CNNM2: variants seen among roughly 807,000 people sequenced by gnomAD.
The protein encoded by CNNM2 is metal transporter CNNM2.
In CNNM2, 12 loss-of-function variants were observed where a neutral mutation model predicts 66.9. That is an observed-to-expected ratio of 0.18 (90% confidence interval 0.11 to 0.29). The LOEUF is 0.29. Among genes scored for constraint, CNNM2 ranks in the 10% least tolerant of loss-of-function variants. The pLI is 1.00. For missense variants in CNNM2, 705 were observed against 1,167.7 expected, an observed-to-expected ratio of 0.60 and a Z score of 5.77; for synonymous variants, 557 against 501.8, an observed-to-expected ratio of 1.11 and a Z score of -1.47.
At chr10:102,987,758 C>A (rs1225068849) in intron 1 of CNNM2, among the ~76,000 whole-genome samples, 1 of 152,104 alleles carries the variant, frequency 6.6e-6, no homozygotes, top group East Asian at 1.9e-4. Context: ...TCTGCTCTAA[C>A]AAAAATAAAA....
chr10:103,062,382 G>T (rs906774928), intron 4 of CNNM2, among the ~76,000 whole-genome samples: 3 of 152,176 alleles, frequency 2.0e-5, no homozygotes, highest in African/African-American at 7.2e-5. Flanking sequence ...CTCCTCATGG[G>T]TTTTTAAGTT....
rs2065776502 is a variant in CNNM2, at chr10:103,083,568, TAA to T, written c.*6389_*6390del. The stretch of plus-strand genomic sequence containing the variant: ...ATCTTCTTTGGACAGTGTAAAGTCT[TAA>T]GAGAAGTGGGTACTAGTTCTGTGCC... On this transcript the variant is annotated 3_prime_UTR_variant, in exon 8 of 8. Coordinates refer to ENST00000369878, the MANE Select transcript of CNNM2 (RefSeq NM_017649.5). 6.6e-6 allele frequency: 1 copy of T among 152,204 alleles called. No homozygotes were observed. Among genetic ancestry groups the T allele is most frequent in the Non-Finnish European group, 1.5e-5 (1 of 68,036 alleles). 9.4% of individuals were successfully genotyped at this position (152,204 alleles called of 1,614,324 possible).
At chr10:102,946,153 A>C (rs1846611301) in intron 1 of CNNM2, among the ~76,000 whole-genome samples, 1 of 152,202 alleles carries the variant, frequency 6.6e-6, no homozygotes, top group South Asian at 2.1e-4. Flanking sequence ...GAATGAGTTC[A>C]TTGGTGCTGC....
At chr10:103,067,965 C>T (rs932677121) in intron 4 of CNNM2, among the ~76,000 whole-genome samples, 6 of 152,216 alleles carry the variant, frequency 3.9e-5, no homozygotes, top group African/African-American at 7.2e-5. Flanking sequence ...ACACCGTGCT[C>T]GTGAGACAGA....
At chr10:102,994,562 A>G (rs1164051961) in intron 1 of CNNM2, among the ~76,000 whole-genome samples, 1 of 152,240 alleles carries the variant, frequency 6.6e-6, no homozygotes, top group Non-Finnish European at 1.5e-5. Flanking sequence ...AAACTGGCCA[A>G]CAAAATAGCT....
At chr10:102,992,857 G>A (rs79209117) in intron 1 of CNNM2, among the ~76,000 whole-genome samples, 1 of 152,124 alleles carries the variant, frequency 6.6e-6, no homozygotes, top group Non-Finnish European at 1.5e-5. Flanking sequence ...TCCTCACCTA[G>A]AAAATGAAGG....
intron 1 of CNNM2, among the ~76,000 whole-genome samples, chr10:103,015,935 C>T (rs2064438318): frequency 6.6e-6 from 1 of 152,112 alleles, no homozygotes; most frequent in African/African-American, 2.4e-5. Flanking sequence ...CAAAGTTAAG[C>T]TCACCCCAGG....
intron 4 of CNNM2, 106 bp from the exon 5 acceptor site, chr10:103,068,522 TG>T: frequency 1.2e-5 from 11 of 896,820 alleles, no homozygotes; most frequent in Non-Finnish European, 2.0e-5. Context: ...TCGATAGTGT[TG>T]GGAAAAGAAA....
chr10:103,027,352 T>C (rs1399659076), intron 1 of CNNM2: 1 of 152,240 alleles, frequency 6.6e-6, no homozygotes. Context: ...TGAAGTCTTC[T>C]GTTTCTTCAC....
In CNNM2 at chr10:103,077,008, C is replaced by T. The variant is rs1207958218; in HGVS notation, c.2456C>T (p.Ser819Phe). Residue 819 changes from serine (S) to phenylalanine (F), a missense_variant, in exon 8 of 8, where the codon TCC (serine) becomes TTC (phenylalanine). By Grantham distance (155) the Ser-to-Phe change is radical. Transcript: ENST00000369878. ...RQQYQNALMASRMDKTPQSSD... is the reference protein window; with the variant it reads ...RQQYQNALMAFRMDKTPQSSD... ...CAATACCAAAATGCCTTGATGGCATCCCGGATGGACAAAACCCCCCAGTCT... is the reference window on the plus strand; with the variant it reads ...CAATACCAAAATGCCTTGATGGCATTCCGGATGGACAAAACCCCCCAGTCT... The T allele has an allele frequency of 6.2e-7, 1 of 1,613,932 alleles. No homozygotes were observed. Among genetic ancestry groups the T allele is most frequent in the Non-Finnish European group, 8.5e-7 (1 of 1,179,884 alleles).
rs535036497 is a variant in CNNM2, at chr10:102,928,025, A to G, written c.1621+7924A>G. 6.6e-5 allele frequency among the ~76,000 whole-genome samples: 10 copies of G among 152,272 alleles called. No individual in the cohort carries two copies. In the East Asian group the frequency reaches 1.7e-3, roughly 26 times the overall value. On this transcript the variant is annotated intron_variant, in intron 1 of 7. Coordinates refer to ENST00000369878, the MANE Select transcript of CNNM2 (RefSeq NM_017649.5). ...TCTGTTAATGCAAAGGTTAAGAACA[A>G]TGTGCTCTTCCTGGATCTGTTTTGG... is the stretch of plus-strand genomic sequence containing the variant.
Position 102,919,866 on chromosome 10 carries a change from A to T in CNNM2, c.1386A>T (p.Glu462Asp). ...PLRDCFMITG[E>D]AILDFNTMSE... Reference sequence around the variant, plus strand: ...GGGACTGCTTCATGATCACCGGCGAAGCCATCCTGGACTTCAACACCATGT... The same window carrying T: ...GGGACTGCTTCATGATCACCGGCGATGCCATCCTGGACTTCAACACCATGT... The change falls in exon 1 of 8, where the codon GAA (glutamate) becomes GAT (aspartate). Residue 462 changes from glutamate to aspartate, a missense_variant. Physicochemically the swap from Glu to Asp is conservative, Grantham distance 45. Transcript: ENST00000369878. 6.2e-7 allele frequency: 1 copy of T among 1,614,184 alleles called. No homozygotes were observed. The highest frequency in any genetic ancestry group is 1.1e-5 in the South Asian group (1 of 91,086).
intron 1 of CNNM2, among the ~76,000 whole-genome samples, chr10:103,001,832 C>G (rs771611946): frequency 4.6e-4 from 68 of 148,720 alleles, no homozygotes; most frequent in Non-Finnish European, 9.9e-4. Flanking sequence ...GGTGAAACCC[C>G]CTGTATACTA....
intron 1 of CNNM2, among the ~76,000 whole-genome samples, chr10:102,948,523 G>C (rs972340885): frequency 6.6e-6 from 1 of 152,120 alleles, no homozygotes; most frequent in African/African-American, 2.4e-5. Flanking sequence ...GGGGTAGGTT[G>C]GGTGGTACAA....
Position 103,081,740 on chromosome 10 carries a change from C to G in CNNM2, c.*4560C>G, listed in dbSNP as rs1564876265. 2 of 152,118 alleles carry G rather than the reference C, an allele frequency of 1.3e-5. No homozygotes were observed. The highest frequency in any genetic ancestry group is 4.8e-5 in the African/African-American group (2 of 41,386). The allele number at this position is 152,118 out of a possible 1,614,324, so 9.4% of individuals were successfully genotyped here. On this transcript the variant is annotated 3_prime_UTR_variant, in exon 8 of 8. Coordinates refer to ENST00000369878, the MANE Select transcript of CNNM2 (RefSeq NM_017649.5). ...CTGTCTGCGATCACGGTTTACTTGC[C>G]CATTTCCCTTTTGCTACCTTCTTTC... is the stretch of plus-strand genomic sequence containing the variant.
At chr10:102,938,007 A>G (rs1424426038) in intron 1 of CNNM2, among the ~76,000 whole-genome samples, 1 of 151,990 alleles carries the variant, frequency 6.6e-6, no homozygotes, top group Non-Finnish European at 1.5e-5. Context: ...GACATAAAAT[A>G]ATGACAATGT....
Position 103,084,209 on chromosome 10 carries a change from T to G in CNNM2, c.*7029T>G, listed in dbSNP as rs1292629265. On this transcript the variant is annotated 3_prime_UTR_variant, in exon 8 of 8. Transcript: ENST00000369878. ...CCAAAGAGGATCGTGCTCTGAAAAT[T>G]TAGCCTCTTGACTGGTCCATTTATA... The G allele has an allele frequency of 1.3e-5, 2 of 152,188 alleles. No individual in the cohort carries two copies. The highest frequency in any genetic ancestry group is 2.9e-5 in the Non-Finnish European group (2 of 68,040). 9.4% of individuals were successfully genotyped at this position (152,188 alleles called of 1,614,324 possible).
At chr10:103,073,254 G>T (rs1453798645) in intron 6 of CNNM2, among the ~76,000 whole-genome samples, 2 of 152,242 alleles carry the variant, frequency 1.3e-5, no homozygotes, top group Non-Finnish European at 2.9e-5. Flanking sequence ...AGATGCTTTG[G>T]AAGATCAGAG....
chr10:103,031,848 G>A (rs1037424427), intron 1 of CNNM2, among the ~76,000 whole-genome samples: 7 of 151,636 alleles, frequency 4.6e-5, no homozygotes, highest in Non-Finnish European at 7.4e-5. Context: ...CGGGGGGGGC[G>A]TGAGGGGATT....
Sources: gnomAD v4.1 joint callset for allele counts (sites outside exome capture counted in the v4.1 genomes callset) on GRCh38, gnomAD v4.1.1 for gene constraint, MANE v1.5 for transcripts, NCBI Gene and HGNC (gene_info 2026-07-23, HGNC 2026-07-21) for gene names.